KMT2D: variants seen among roughly 807,000 people sequenced by gnomAD.
The protein encoded by KMT2D is histone-lysine N-methyltransferase 2D.
Under a neutral mutation model 512.7 loss-of-function variants are expected in KMT2D, and 55 were observed. The observed-to-expected ratio is 0.11, with a 90% CI of 0.09 to 0.13. The LOEUF is 0.13. Among genes scored for constraint, KMT2D ranks in the 10% least tolerant of loss-of-function variants. KMT2D has a pLI of 1.00. For synonymous variants in KMT2D, 2,995 were observed against 2,904.0 expected, an observed-to-expected ratio of 1.03 and a Z score of -1.01; for missense variants, 6,061 against 7,127.9, an observed-to-expected ratio of 0.85 and a Z score of 5.39.
In KMT2D at chr12:49,046,490, C is replaced by T. The variant is rs944039623; in HGVS notation, c.4419-66G>A. On this transcript the variant is annotated intron_variant, in intron 16 of 54. Coordinates refer to ENST00000301067, the MANE Select transcript of KMT2D (RefSeq NM_003482.4). This position sits in a 1 kb window ranked among gnomAD's most constrained non-coding sequence, Gnocchi z 4.2. ...CCCGAAGTACCCAGAAGTCCCCTCA[C>T]CGGAAACCCAAGCCACCAGCCTGGC... 1 of 1,592,244 alleles carries T rather than the reference C, an allele frequency of 6.3e-7. No homozygotes were observed. The highest frequency in any genetic ancestry group is 2.2e-5 in the East Asian group (1 of 44,602).
chr12:49,048,377 T>C (rs1452803231), intron 14 of KMT2D, among the ~76,000 whole-genome samples: 4 of 152,250 alleles, frequency 2.6e-5, no homozygotes, highest in Non-Finnish European at 5.9e-5. Flanking sequence ...GCTTCAAGAT[T>C]ATTCAAGTGA....
At position 49,052,046 on chromosome 12, in the gene KMT2D, G is replaced by A. The variant is rs1938086661; in HGVS notation, c.1637C>T (p.Ser546Phe). ...CAAAGGAGATTCTTCAAATGGTGGG[G>A]ACAGGGGCGATGCTTCAGGTGGTGG... ...LSPPPEASPL[S>F]PPFEESPLSP... Residue 546 changes from serine (S) to phenylalanine (F), a missense_variant, in exon 11 of 55, where the codon TCC becomes TTC. Ser to Phe is a radical substitution (Grantham distance 155). Around this residue, in one of 16 missense-constraint regions of KMT2D, gnomAD observed 848 missense variants for 838.5 expected, o/e 1.01. Transcript: ENST00000301067. 6.2e-7 allele frequency: 1 copy of A among 1,613,386 alleles called. No homozygotes were observed. The highest frequency in any genetic ancestry group is 8.5e-7 in the Non-Finnish European group (1 of 1,179,682).
chr12:49,021,528 C>G lies in KMT2D; in HGVS notation c.*252G>C, dbSNP rs747441004. 57 of 536,380 alleles carry G rather than the reference C, an allele frequency of 1.1e-4. No individual in the cohort carries two copies. The highest frequency in any genetic ancestry group is 1.7e-4 in the Non-Finnish European group (50 of 300,670). The allele number at this position is 536,380 out of a possible 1,614,324, so 33.2% of individuals were successfully genotyped here. ...TGAGATGCCCAATGGCTGCTTCTGT[C>G]TGGCCCCTCCTGGAGCTGGGGGCAG... On this transcript the variant is annotated 3_prime_UTR_variant, in exon 55 of 55. Coordinates refer to ENST00000301067, the MANE Select transcript of KMT2D (RefSeq NM_003482.4).
rs1353396723 is a variant in KMT2D, at chr12:49,041,718, G to A, written c.6184-13C>T. 1.9e-6 allele frequency: 3 copies of A among 1,607,914 alleles called. No homozygotes were observed. ...CTTTGGCCTTTTGCTGAGGGATATG[G>A]GACACAGCCTTAGGGCCTAGTGCTT... On this transcript the variant is annotated splice_polypyrimidine_tract_variant and intron_variant, in intron 30 of 54. Coordinates refer to ENST00000301067, the MANE Select transcript of KMT2D (RefSeq NM_003482.4). This position sits in a 1 kb window ranked among gnomAD's most constrained non-coding sequence, Gnocchi z 5.4.
Position 49,060,486 on chromosome 12 carries a change from C to G in KMT2D, c.-911G>C, listed in dbSNP as rs1592170536. 6.6e-6 allele frequency among the ~76,000 whole-genome samples: 1 copy of G among 152,196 alleles called. No individual in the cohort carries two copies. Among genetic ancestry groups the G allele is most frequent in the East Asian group, 1.9e-4 (1 of 5,188 alleles). On this transcript the variant is annotated 5_prime_UTR_variant, in exon 1 of 55. Coordinates refer to ENST00000301067, the MANE Select transcript of KMT2D (RefSeq NM_003482.4). ...GCAGGCGGCCTAGAGGTGCATGGCC[C>G]AACCCCGGCTCCCGGCACCGGGGGG...
rs774794711 is a variant in KMT2D, at chr12:49,041,389, G to A, written c.6381C>T (p.Gly2127=). ...ACAAGCCGGCGGGGGTAGTGGGGCT[G>A]CCAATGAAAATGGTGGGGGCAGCAG... ...PPAAAPTIFI[G]SPTTPAGLST... Residue 2127 remains glycine, a synonymous_variant, in exon 32 of 55, where the codon GGC becomes GGT. Transcript: ENST00000301067. The surrounding 1 kb of genome is among the most constrained non-coding windows in gnomAD (Gnocchi z 5.4). 10 of 1,603,510 alleles carry A rather than the reference G, an allele frequency of 6.2e-6. No individual in the cohort carries two copies. The highest frequency in any genetic ancestry group is 8.5e-6 in the Non-Finnish European group (10 of 1,174,536).
rs753822196 is a variant in KMT2D at position 49,026,454 on chromosome 12, C to G, written c.15512G>C (p.Arg5171Pro). The G allele has an allele frequency of 6.2e-7, 1 of 1,613,928 alleles. No homozygotes were observed. Among genetic ancestry groups the G allele is most frequent in the Non-Finnish European group, 8.5e-7 (1 of 1,179,892 alleles). Residue 5171 changes from arginine to proline, a missense_variant, in exon 49 of 55, where the codon CGG (arginine) becomes CCG (proline). Coordinates refer to ENST00000301067, the MANE Select transcript of KMT2D (RefSeq NM_003482.4). This position sits in a 1 kb window ranked among gnomAD's most constrained non-coding sequence, Gnocchi z 9.6. ...EVKQIASIIQRGERLHMFRVG... is the reference protein window; with the variant it reads ...EVKQIASIIQPGERLHMFRVG... The stretch of plus-strand genomic sequence containing the variant: ...ACGGAACATGTGCAGCCGTTCTCCC[C>G]GCTGAATGATGCTAGCGATTTGCTT...
Position 49,042,504 on chromosome 12 carries a change from CAGAT to C in KMT2D, c.5867+53_5867+56del. The C allele has an allele frequency of 6.3e-7, 1 of 1,578,726 alleles. No individual in the cohort carries two copies. ...GTCCGAGGGAGGCAAAGCATGAACT[CAGAT>C]GGAGGGAAAGGACAACGAGGACTGC... is the stretch of plus-strand genomic sequence containing the variant. On this transcript the variant is annotated intron_variant, in intron 28 of 54. Coordinates refer to ENST00000301067, the MANE Select transcript of KMT2D (RefSeq NM_003482.4). This position sits in a 1 kb window ranked among gnomAD's most constrained non-coding sequence, Gnocchi z 4.4.
In KMT2D at chr12:49,031,870, C is replaced by A; in HGVS notation, c.12835G>T (p.Ala4279Ser). ...PQTGPLQELG[A>S]GPRPQGPPRL... is the part of the protein sequence containing the mutation. ...GGTGGGCCCTGAGGTCGAGGCCCTG[C>A]CCCTAGCTCCTGGAGGGGGCCTGTC... Residue 4279 changes from alanine (A) to serine (S), a missense_variant, in exon 40 of 55, where the codon GCA becomes TCA. Coordinates refer to ENST00000301067, the MANE Select transcript of KMT2D (RefSeq NM_003482.4). 1.3e-6 allele frequency: 2 copies of A among 1,535,504 alleles called. No individual in the cohort carries two copies. Among genetic ancestry groups the A allele is most frequent in the South Asian group, 1.3e-5 (1 of 77,536 alleles).
At position 49,032,346 on chromosome 12, in the gene KMT2D, C is replaced by T. The variant is rs753017509; in HGVS notation, c.12359G>A (p.Gly4120Asp). 1.2e-6 allele frequency: 2 copies of T among 1,613,534 alleles called. No individual in the cohort carries two copies. The highest frequency in any genetic ancestry group is 1.6e-4 in the Middle Eastern group (1 of 6,084). Reference protein sequence around the residue: ...TAGGGSHGQLGSGSSSEASSV... With the variant: ...TAGGGSHGQLDSGSSSEASSV... The stretch of plus-strand genomic sequence containing the variant: ...TGAGGCCTCAGAAGATGATCCACTG[C>T]CTAGCTGCCCATGGCTTCCTCCACC... The change falls in exon 40 of 55, where the codon GGC becomes GAC. Residue 4120 changes from glycine to aspartate, a missense_variant. Around this residue, in one of 16 missense-constraint regions of KMT2D, gnomAD observed 1,600 missense variants for 1,754.9 expected, o/e 0.91. Coordinates refer to ENST00000301067, the MANE Select transcript of KMT2D (RefSeq NM_003482.4).
At chr12:49,035,079 G>C (rs1592125003) in intron 35 of KMT2D, 144 bp from the exon 36 acceptor site, 2 of 1,022,752 alleles carry the variant, frequency 2.0e-6, no homozygotes, top group East Asian at 2.6e-5. Flanking sequence ...TTAGGAGCCA[G>C]TCGGCCTGGG....
At position 49,030,306 on chromosome 12, in the gene KMT2D, G is replaced by A. The variant is rs776033634; in HGVS notation, c.13973C>T (p.Ala4658Val). 1.9e-6 allele frequency: 3 copies of A among 1,602,770 alleles called. No individual in the cohort carries two copies. Among genetic ancestry groups the A allele is most frequent in the South Asian group, 1.1e-5 (1 of 88,974 alleles). Residue 4658 changes from alanine to valine, a missense_variant, in exon 43 of 55, where the codon GCC becomes GTC. Physicochemically the swap from Ala to Val is moderately conservative, Grantham distance 64. Around this residue, in one of 16 missense-constraint regions of KMT2D, gnomAD observed 1,600 missense variants for 1,754.9 expected, o/e 0.91. Coordinates refer to ENST00000301067, the MANE Select transcript of KMT2D (RefSeq NM_003482.4). ...LGEHPKDAAS[A>V]RDSERALRDT... is the part of the protein sequence containing the mutation. ...CCTCAGTGCCCTTTCACTATCCCGG[G>A]CAGAGGCAGCATCCTTGGGGTGCTC...
chr12:49,031,351 C>T lies in KMT2D; in HGVS notation c.13354G>A (p.Ala4452Thr), dbSNP rs2120419020. ...APGTSNHLLL[A>T]GPRSEAGHLL... ...TGCCCAGCTTCTGAGCGAGGGCCTG[C>T]CAGCAGGAGGTGGTTGCTGGTTCCT... Residue 4452 changes from alanine to threonine, a missense_variant, in exon 40 of 55, where the codon GCA becomes ACA. By Grantham distance (58) the Ala-to-Thr change is moderately conservative. Around this residue, in one of 16 missense-constraint regions of KMT2D, gnomAD observed 1,600 missense variants for 1,754.9 expected, o/e 0.91. Transcript: ENST00000301067. The T allele has an allele frequency of 1.9e-6, 3 of 1,613,542 alleles. No individual in the cohort carries two copies. In the South Asian group the frequency reaches 3.3e-5, roughly 18 times the overall value.
rs773372079 is a variant in KMT2D at position 49,033,121 on chromosome 12, G to T, written c.11584C>A (p.Gln3862Lys). The change falls in exon 40 of 55, where the codon CAA becomes AAA. Residue 3862 changes from glutamine to lysine, a missense_variant. Around this residue, in one of 16 missense-constraint regions of KMT2D, gnomAD observed 1,600 missense variants for 1,754.9 expected, o/e 0.91. Transcript: ENST00000301067. The part of the protein sequence containing the change: ...LVTAQQQQQQ[Q>K]QHQQQGSMAG... Reference sequence around the variant, plus strand: ...ATGGACCCTTGCTGTTGGTGCTGTTGTTGCTGCTGCTGCTGCTGGGCTGTG... The same window carrying T: ...ATGGACCCTTGCTGTTGGTGCTGTTTTTGCTGCTGCTGCTGCTGGGCTGTG... 2.6e-6 allele frequency: 4 copies of T among 1,551,578 alleles called. No homozygotes were observed. In the South Asian group the frequency reaches 4.8e-5, roughly 18 times the overall value.
In KMT2D at chr12:49,039,041, G is replaced by T; in HGVS notation, c.8367-52C>A. Reference sequence around the variant, plus strand: ...GATGAAATCAGATGAAAAGGAGCAAGAACATGGGCTTAGGGCAGTGAGGAA... The same window carrying T: ...GATGAAATCAGATGAAAAGGAGCAATAACATGGGCTTAGGGCAGTGAGGAA... On this transcript the variant is annotated intron_variant, in intron 34 of 54. Coordinates refer to ENST00000301067, the MANE Select transcript of KMT2D (RefSeq NM_003482.4). This position sits in a 1 kb window ranked among gnomAD's most constrained non-coding sequence, Gnocchi z 5.0. The T allele has an allele frequency of 6.5e-7, 1 of 1,541,034 alleles. No homozygotes were observed. The highest frequency in any genetic ancestry group is 1.2e-5 in the South Asian group (1 of 84,898).
Position 49,020,405 on chromosome 12 carries a change from T to C in KMT2D, c.*1375A>G. The C allele has an allele frequency of 5.6e-6, 1 of 180,142 alleles. No individual in the cohort carries two copies. Among genetic ancestry groups the C allele is most frequent in the East Asian group, 9.1e-5 (1 of 10,968 alleles). The allele number at this position is 180,142 out of a possible 1,614,324, so 11.2% of individuals were successfully genotyped here. On this transcript the variant is annotated 3_prime_UTR_variant, in exon 55 of 55. Coordinates refer to ENST00000301067, the MANE Select transcript of KMT2D (RefSeq NM_003482.4). ...CCCCCTACCATTTATAAACTGGTTT[T>C]GTAAAAAGAAAATAGATATATTTAT...
chr12:49,048,569 T>TC (rs1326603656), intron 14 of KMT2D, 90 bp downstream of exon 14: 1 of 760,334 alleles, frequency 1.3e-6, no homozygotes, highest in Non-Finnish European at 2.3e-6. Flanking sequence ...TAGCTGGGTA[T>TC]CCCCAAAGTA....
Position 49,039,769 on chromosome 12 carries a change from T to C in KMT2D, c.8001A>G (p.Pro2667=), listed in dbSNP as rs1057119519. Reference sequence around the variant, plus strand: ...CTGTTTGGCTAAGGCCGGACATGCCTGGGTCCTGGGTACCTGGGAGTTCAG... The same window carrying C: ...CTGTTTGGCTAAGGCCGGACATGCCCGGGTCCTGGGTACCTGGGAGTTCAG... The part of the protein sequence containing the change: ...ATAELPGTQD[P]GMSGLSQTEL... Residue 2667 remains proline, a synonymous_variant, in exon 32 of 55, where the codon CCA becomes CCG. Coordinates refer to ENST00000301067, the MANE Select transcript of KMT2D (RefSeq NM_003482.4). The surrounding 1 kb of genome is among the most constrained non-coding windows in gnomAD (Gnocchi z 5.0). 4 of 1,613,888 alleles carry C rather than the reference T, an allele frequency of 2.5e-6. No individual in the cohort carries two copies. The highest frequency in any genetic ancestry group is 3.4e-6 in the Non-Finnish European group (4 of 1,179,878).
chr12:49,019,101 A>G lies in KMT2D; in HGVS notation c.*2679T>C. 1 of 1,196,254 alleles carries G rather than the reference A, an allele frequency of 8.4e-7. No individual in the cohort carries two copies. The highest frequency in any genetic ancestry group is 1.0e-6 in the Non-Finnish European group (1 of 959,222). 74.1% of individuals were successfully genotyped at this position (1,196,254 alleles called of 1,614,324 possible). A position where few individuals can be genotyped will look rare whatever the true frequency, so the allele number is the denominator to read the frequency against. ...AGTTCAGAATGATCGCTGATACAAA[A>G]CATGCCAAGGACAGGGGCGCTGAGG... On this transcript the variant is annotated 3_prime_UTR_variant, in exon 55 of 55. Transcript: ENST00000301067.
Sources: gnomAD v4.1 joint callset for allele counts (sites outside exome capture counted in the v4.1 genomes callset) on GRCh38, gnomAD v4.1.1 for gene constraint, gnomAD v4.1.1 regional missense constraint, Gnocchi (gnomAD v3.1) non-coding constraint, MANE v1.5 for transcripts, NCBI Gene and HGNC (gene_info 2026-07-23, HGNC 2026-07-21) for gene names.